Variants in SOX5 observed in about 807,000 individuals in gnomAD.
SOX5 encodes the protein SRY-box transcription factor 5.
In SOX5, 9 loss-of-function variants were observed where a neutral mutation model predicts 92.0. The observed-to-expected ratio is 0.10, with a 90% CI of 0.06 to 0.17. The LOEUF (loss-of-function observed/expected upper bound fraction) is 0.17. Ranked by LOEUF, SOX5 falls within the 10% of genes least tolerant of loss-of-function variation. SOX5 has a pLI of 1.00. For synonymous variants in SOX5, 344 were observed against 336.3 expected, an observed-to-expected ratio of 1.02 and a Z score of -0.25; for missense variants, 642 against 944.5, an observed-to-expected ratio of 0.68 and a Z score of 4.20.
rs186680938 is a variant in SOX5 at position 24,396,457 on chromosome 12, G to A, written c.-250-27818C>T. 7.2e-5 allele frequency among the ~76,000 whole-genome samples: 11 copies of A among 152,308 alleles called. No homozygotes were observed. In the East Asian group the frequency reaches 7.7e-4, roughly 11 times the overall value. ...AATTGGAGCAGGCAGCTGAGTGGCCGAATGAAATATTCAGCTCATTTCATT... is the reference window on the plus strand; with the variant it reads ...AATTGGAGCAGGCAGCTGAGTGGCCAAATGAAATATTCAGCTCATTTCATT... On this transcript the variant is annotated intron_variant, in intron 1 of 4. Transcript: ENST00000446891.
chr12:24,232,783 G>T (rs1280105417), intron 3 of SOX5, among the ~76,000 whole-genome samples: 2 of 152,120 alleles, frequency 1.3e-5, no homozygotes, highest in African/African-American at 4.8e-5. Context: ...CCTATGTAGT[G>T]TTCACATTTT....
intron 4 of SOX5, among the ~76,000 whole-genome samples, chr12:24,036,920 T>G (rs1956096518): frequency 6.6e-6 from 1 of 152,160 alleles, no homozygotes; most frequent in Non-Finnish European, 1.5e-5. Flanking sequence ...ACACACACAT[T>G]CCATTCTTAT....
chr12:24,510,745 A>G (rs1316141060), intron 1 of SOX5, among the ~76,000 whole-genome samples: 1 of 152,218 alleles, frequency 6.6e-6, no homozygotes. Flanking sequence ...AAGATAGGAG[A>G]TCTGAAGAGA....
At chr12:24,108,457 G>A (rs1258245783) in intron 4 of SOX5, among the ~76,000 whole-genome samples, 1 of 152,034 alleles carries the variant, frequency 6.6e-6, no homozygotes, top group African/African-American at 2.4e-5. Context: ...TCTGAATGAT[G>A]TGATTTATCA....
intron 4 of SOX5, among the ~76,000 whole-genome samples, chr12:24,114,573 CAAAAAAAAAAAAAA>C (rs55913110): frequency 0.13 from 5,316 of 40,866 alleles, 117 homozygotes; most frequent in Middle Eastern, 0.4. Flanking sequence ...CACCCCGTCA[CAAAAAAAAAAAAAA>C]AAAAAAAAAA....
chr12:23,903,318 G>T (rs1299789680), intron 1 of SOX5, among the ~76,000 whole-genome samples: 2 of 152,160 alleles, frequency 1.3e-5, no homozygotes, highest in Non-Finnish European at 2.9e-5. Context: ...TGGTGTGGTT[G>T]CTCACCCCTT....
rs1173228023 is a variant in SOX5, at chr12:24,171,208, G to GTTTTTTTTTT, written c.-2+42134_-2+42135insAAAAAAAAAA. Among the ~76,000 whole-genome samples, 2 of 33,096 alleles carry GTTTTTTTTTT rather than the reference G, an allele frequency of 6.0e-5. 1 individual carries two copies. The highest frequency in any genetic ancestry group is 2.6e-4 in the African/African-American group (2 of 7,596). 21.7% of individuals were successfully genotyped at this position (33,096 alleles called of 152,430 possible). ...TTTTCTTTTATTTCATTGGCCAACA[G>GTTTTTTTTTT]TTTTTTTTGTTTGTTTGTTTGTTTT... is the stretch of plus-strand genomic sequence containing the variant. On this transcript the variant is annotated intron_variant, in intron 4 of 4. Coordinates refer to the SOX5 transcript ENST00000446891.
At chr12:24,252,938 G>A (rs1460790045) in intron 3 of SOX5, among the ~76,000 whole-genome samples, 1 of 152,068 alleles carries the variant, frequency 6.6e-6, no homozygotes. Flanking sequence ...CTGATAAATC[G>A]ATACAGCAAA....
chr12:23,628,499 ATTG>A (rs1338076420), intron 8 of SOX5, among the ~76,000 whole-genome samples: 1 of 152,096 alleles, frequency 6.6e-6, no homozygotes, highest in African/African-American at 2.4e-5. Context: ...AAGACATAAT[ATTG>A]TTGTAATTTT....
rs1193775067 is a variant in SOX5 at position 23,570,924 on chromosome 12, AAAAAAAATATATATATATAT to A, written c.1342+4717_1342+4736del. On this transcript the variant is annotated intron_variant, in intron 10 of 14. Transcript: ENST00000451604. ...AGACTCCAACTCAAAAAAAAAAAAA[AAAAAAAATATATATATATAT>A]ATATATATATATATATATATATATA... 2.6e-4 allele frequency among the ~76,000 whole-genome samples: 11 copies of A among 42,554 alleles called. No homozygotes were observed. In the East Asian group the frequency reaches 3.8e-3, roughly 15 times the overall value. 27.9% of individuals were successfully genotyped at this position (42,554 alleles called of 152,430 possible). A position where few individuals can be genotyped will look rare whatever the true frequency, so the allele number is the denominator to read the frequency against.
chr12:23,646,527 A>C (rs2080873630), intron 7 of SOX5, among the ~76,000 whole-genome samples: 1 of 152,226 alleles, frequency 6.6e-6, no homozygotes, highest in African/African-American at 2.4e-5. Flanking sequence ...TTCCTTTCAC[A>C]AAAGATCTCT....
At chr12:24,143,653 G>C (rs1303379463) in intron 4 of SOX5, among the ~76,000 whole-genome samples, 1 of 152,038 alleles carries the variant, frequency 6.6e-6, no homozygotes, top group Admixed American at 6.6e-5. Context: ...TGAAACTGTA[G>C]ATACAGAAAT....
At chr12:24,045,480 G>T (rs1956905461) in intron 4 of SOX5, among the ~76,000 whole-genome samples, 1 of 151,992 alleles carries the variant, frequency 6.6e-6, no homozygotes, top group African/African-American at 2.4e-5. Flanking sequence ...AAATTTTTTT[G>T]TAGAGGTGGG....
At chr12:23,571,089 C>T (rs1464486187) in intron 10 of SOX5, among the ~76,000 whole-genome samples, 3 of 146,670 alleles carry the variant, frequency 2.0e-5, no homozygotes, top group Admixed American at 1.4e-4. Flanking sequence ...TTGCAGTGAG[C>T]CAACCACTAC....
intron 9 of SOX5, among the ~76,000 whole-genome samples, chr12:23,589,954 G>C (rs1187675509): frequency 6.6e-6 from 1 of 152,108 alleles, no homozygotes; most frequent in South Asian, 2.1e-4. Context: ...CAAGTACAAT[G>C]AAGTATTATA....
chr12:24,450,381 A>C (rs1942095135), intron 1 of SOX5, among the ~76,000 whole-genome samples: 1 of 152,146 alleles, frequency 6.6e-6, no homozygotes, highest in East Asian at 1.9e-4. Context: ...TATATTTACG[A>C]GCTATATTAG....
chr12:24,036,970 G>C (rs960300884), intron 4 of SOX5, among the ~76,000 whole-genome samples: 1 of 151,990 alleles, frequency 6.6e-6, no homozygotes, highest in Non-Finnish European at 1.5e-5. Context: ...GTCTTTGCAA[G>C]GCATGTTATC....
At chr12:23,859,316 C>T (rs1368232877) in intron 2 of SOX5, among the ~76,000 whole-genome samples, 1 of 152,140 alleles carries the variant, frequency 6.6e-6, no homozygotes, top group Non-Finnish European at 1.5e-5. Context: ...GGAAGGAATG[C>T]ATTTCCAGGG....
intron 4 of SOX5, among the ~76,000 whole-genome samples, chr12:24,149,120 A>C (rs1264621012): frequency 6.6e-6 from 1 of 152,164 alleles, no homozygotes; most frequent in Non-Finnish European, 1.5e-5. Context: ...CCCTAAAACT[A>C]AAAAAGTTCT....
Sources: gnomAD v4.1 joint callset for allele counts (sites outside exome capture counted in the v4.1 genomes callset) on GRCh38, gnomAD v4.1.1 for gene constraint, MANE v1.5 for transcripts, NCBI Gene and HGNC (gene_info 2026-07-23, HGNC 2026-07-21) for gene names.